CDK19: variants seen among roughly 807,000 people sequenced by gnomAD.
CDK19 encodes the protein cyclin-dependent kinase 19.
In CDK19, 20 loss-of-function variants were observed where a neutral mutation model predicts 68.3. The ratio of observed to expected loss-of-function variants is 0.29; its 90% confidence interval spans 0.21 to 0.43. The LOEUF (loss-of-function observed/expected upper bound fraction) is 0.43. CDK19 is among the 20% of genes least tolerant of loss of function. CDK19 has a pLI of 1.00. For synonymous variants in CDK19, 221 were observed against 222.8 expected (o/e 0.99, Z 0.07); for missense variants, 339 against 623.5 (o/e 0.54, Z 4.86).
chr6:110,614,716 A>C lies in CDK19; in HGVS notation c.1378-50T>G. 1.9e-6 allele frequency: 3 copies of C among 1,596,108 alleles called. No homozygotes were observed. In the Middle Eastern group the frequency reaches 5.0e-4, roughly 265 times the overall value. The stretch of plus-strand genomic sequence containing the variant: ...GAATTACTGATGGAGGAAGAGGATG[A>C]CTCAAGATGCTCATCACAGTAGGAT... On this transcript the variant is annotated intron_variant, in intron 12 of 12. Coordinates refer to ENST00000368911, the MANE Select transcript of CDK19 (RefSeq NM_015076.5).
At chr6:110,775,514 G>A (rs1182456209) in intron 1 of CDK19, among the ~76,000 whole-genome samples, 1 of 152,114 alleles carries the variant, frequency 6.6e-6, no homozygotes, top group African/African-American at 2.4e-5. Flanking sequence ...ACATATGCTA[G>A]GCAGTATGGG....
At chr6:110,673,477 T>G (rs369709132) in intron 2 of CDK19, among the ~76,000 whole-genome samples, 2 of 152,104 alleles carry the variant, frequency 1.3e-5, no homozygotes, top group Non-Finnish European at 2.9e-5. Flanking sequence ...GTGAAATTGC[T>G]AGATCCTATG....
At chr6:110,782,384 G>A (rs918803107) in intron 1 of CDK19, among the ~76,000 whole-genome samples, 5 of 152,060 alleles carry the variant, frequency 3.3e-5, no homozygotes, top group Non-Finnish European at 7.4e-5. Flanking sequence ...TAAATCCCTT[G>A]AACTTTTCCC....
intron 8 of CDK19, among the ~76,000 whole-genome samples, chr6:110,626,306 T>G (rs1469054107): frequency 6.6e-6 from 1 of 152,200 alleles, no homozygotes; most frequent in Non-Finnish European, 1.5e-5. Flanking sequence ...AAATCTCAGT[T>G]TCTAGTTTAA....
chr6:110,624,399 T>G lies in CDK19; in HGVS notation c.861-1037A>C, dbSNP rs562247917. Among the ~76,000 whole-genome samples, 187 of 152,218 alleles carry G rather than the reference T, an allele frequency of 1.2e-3. 1 individual carries two copies. Among genetic ancestry groups the G allele is most frequent in the African/African-American group, 4.4e-3 (182 of 41,550 alleles). On this transcript the variant is annotated intron_variant, in intron 8 of 12. Coordinates refer to ENST00000368911, the MANE Select transcript of CDK19 (RefSeq NM_015076.5). ...TTTCCTACATATGAAATATTTCAAA[T>G]TAAAAGGTCTAAAAATAGGTAATGT...
At chr6:110,666,175 G>A (rs1044980247) in intron 4 of CDK19, among the ~76,000 whole-genome samples, 1 of 150,270 alleles carries the variant, frequency 6.7e-6, no homozygotes, top group Non-Finnish European at 1.5e-5. Flanking sequence ...CAGCACTTTG[G>A]GAGGCCGAGG....
intron 1 of CDK19, among the ~76,000 whole-genome samples, chr6:110,757,177 T>C (rs1778896264): frequency 6.6e-6 from 1 of 152,234 alleles, no homozygotes; most frequent in Non-Finnish European, 1.5e-5. Context: ...ACCCCACTGG[T>C]TGCCAAAGAA....
intron 2 of CDK19, among the ~76,000 whole-genome samples, chr6:110,712,739 C>T (rs1282716961): frequency 2.0e-5 from 3 of 152,142 alleles, no homozygotes; most frequent in Admixed American, 6.6e-5. Context: ...GGCTAGAAAC[C>T]ATGTCATTAA....
intron 3 of CDK19, among the ~76,000 whole-genome samples, chr6:110,669,276 A>G (rs1297237651): frequency 6.6e-6 from 1 of 152,228 alleles, no homozygotes; most frequent in African/African-American, 2.4e-5. Context: ...TTATTCCTCA[A>G]CAGATTTATA....
At chr6:110,745,365 GA>G (rs1778003366) in intron 2 of CDK19, among the ~76,000 whole-genome samples, 2 of 151,780 alleles carry the variant, frequency 1.3e-5, no homozygotes, top group African/African-American at 4.8e-5. Flanking sequence ...CCAAAACAGG[GA>G]ACTATTTTCT....
intron 1 of CDK19, among the ~76,000 whole-genome samples, chr6:110,754,656 ATTTTTAGTAGAAACAGGGT>A (rs940597270): frequency 6.6e-6 from 1 of 151,540 alleles, no homozygotes; most frequent in African/African-American, 2.4e-5. Context: ...ATTTTTTTGC[ATTTTTAGTAGAAACAGGGT>A]TTCACCATGT....
At chr6:110,724,768 TAGATA>T (rs1340361652) in intron 2 of CDK19, among the ~76,000 whole-genome samples, 1 of 152,208 alleles carries the variant, frequency 6.6e-6, no homozygotes, top group African/African-American at 2.4e-5. Context: ...ATTAGATAGC[TAGATA>T]AGATCTTTTT....
intron 1 of CDK19, among the ~76,000 whole-genome samples, chr6:110,803,311 C>T (rs1485923352): frequency 6.6e-6 from 1 of 152,196 alleles, no homozygotes; most frequent in Non-Finnish European, 1.5e-5. Flanking sequence ...GATCTCCTGA[C>T]CTCGTGATCC....
intron 2 of CDK19, among the ~76,000 whole-genome samples, chr6:110,745,642 G>A (rs1342580278): frequency 6.6e-6 from 1 of 152,024 alleles, no homozygotes; most frequent in Non-Finnish European, 1.5e-5. Flanking sequence ...ATATCATTAA[G>A]AGGATATTCA....
chr6:110,772,377 C>T (rs1199058652), intron 1 of CDK19, among the ~76,000 whole-genome samples: 2 of 151,998 alleles, frequency 1.3e-5, no homozygotes, highest in Non-Finnish European at 2.9e-5. Context: ...GGGAAACCGC[C>T]CCCTTAATTC....
At chr6:110,773,096 G>A (rs1780153629) in intron 1 of CDK19, among the ~76,000 whole-genome samples, 1 of 151,468 alleles carries the variant, frequency 6.6e-6, no homozygotes, top group African/African-American at 2.4e-5. Flanking sequence ...TTTTACAAGT[G>A]TGTGGGATGA....
chr6:110,814,845 G>A (rs1240419830), intron 1 of CDK19, 164 bp downstream of exon 1: 25 of 886,696 alleles, frequency 2.8e-5, no homozygotes, highest in Non-Finnish European at 3.7e-5. Context: ...GGGGGAGGCG[G>A]GCGGAACGGG....
chr6:110,732,982 G>A (rs959661786), intron 2 of CDK19, among the ~76,000 whole-genome samples: 7 of 151,966 alleles, frequency 4.6e-5, no homozygotes, highest in East Asian at 1.9e-4. Flanking sequence ...AAGGAGAATC[G>A]CTTGAACCCA....
chr6:110,754,669 A>T (rs1229152047), intron 1 of CDK19, among the ~76,000 whole-genome samples: 1 of 151,860 alleles, frequency 6.6e-6, no homozygotes, highest in Non-Finnish European at 1.5e-5. Flanking sequence ...TTTAGTAGAA[A>T]CAGGGTTTCA....
Sources: allele counts gnomAD v4.1 joint callset (sites outside exome capture counted in the v4.1 genomes callset), GRCh38; gene constraint gnomAD v4.1.1; transcripts MANE v1.5; gene names NCBI Gene and HGNC (gene_info 2026-07-23, HGNC 2026-07-21).